Variants in ANAPC7 observed in about 807,000 individuals in gnomAD.
The protein encoded by ANAPC7 is anaphase promoting complex subunit 7, also known as anaphase-promoting complex subunit 7.
Under a neutral mutation model 63.3 loss-of-function variants are expected in ANAPC7, and 25 were observed. The ratio of observed to expected loss-of-function variants is 0.39; its 90% CI spans 0.29 to 0.55. The LOEUF (loss-of-function observed/expected upper bound fraction) is 0.55. ANAPC7 is among the 20% of genes least tolerant of loss of function. The pLI is 0.57. For synonymous variants in ANAPC7, 241 were observed against 251.7 expected (o/e 0.96, Z 0.40); for missense variants, 516 against 691.7 (o/e 0.75, Z 2.85).
Position 110,377,611 on chromosome 12 carries a change from A to T in ANAPC7, c.1139T>A (p.Ile380Asn). ...PCRLDCYEGL[I>N]ECYLASNSIR... ...ACTGTTGGAGGCTAAGTAACATTCG[A>T]TAAGACCTGAAAAAAGTAAAACACG... Residue 380 changes from isoleucine (I) to asparagine (N), a missense_variant, in exon 9 of 11, where the codon ATC becomes AAC. By Grantham distance (149) the Ile-to-Asn change is moderately radical (BLOSUM62 -3). This residue lies in a region of ANAPC7 where 199 missense variants were observed against 249.3 expected (regional missense o/e 0.80). Coordinates refer to ENST00000455511, the MANE Select transcript of ANAPC7 (RefSeq NM_016238.3). 6.2e-7 allele frequency: 1 copy of T among 1,614,194 alleles called. No homozygotes were observed. Among genetic ancestry groups the T allele is most frequent in the Non-Finnish European group, 8.5e-7 (1 of 1,180,030 alleles).
At chr12:110,396,687 T>TG (rs1171441337) in intron 1 of ANAPC7, among the ~76,000 whole-genome samples, 1 of 151,022 alleles carries the variant, frequency 6.6e-6, no homozygotes, top group Non-Finnish European at 1.5e-5. Flanking sequence ...ATTTTTGTTT[T>TG]TTTTTTTAGT....
At chr12:110,395,510 C>G (rs1199420866) in intron 2 of ANAPC7, among the ~76,000 whole-genome samples, 2 of 151,990 alleles carry the variant, frequency 1.3e-5, no homozygotes, top group African/African-American at 4.8e-5. Context: ...CAAGGCTAGT[C>G]TCAAACTCCT....
intron 3 of ANAPC7, among the ~76,000 whole-genome samples, chr12:110,394,797 G>A (rs1044360164): frequency 2.0e-5 from 3 of 151,876 alleles, no homozygotes; most frequent in Admixed American, 1.3e-4. Flanking sequence ...AGTGAGCCAG[G>A]ATCACAACAC....
intron 10 of ANAPC7, among the ~76,000 whole-genome samples, 170 bp from the exon 11 acceptor site, chr12:110,374,503 C>T (rs1304572605): frequency 2.0e-5 from 3 of 152,130 alleles, no homozygotes; most frequent in Non-Finnish European, 4.4e-5. Flanking sequence ...AGGGAGTCCA[C>T]CACCAGAAGT....
At chr12:110,396,041 T>C (rs1214132839) in intron 2 of ANAPC7, among the ~76,000 whole-genome samples, 2 of 152,136 alleles carry the variant, frequency 1.3e-5, no homozygotes, top group African/African-American at 4.8e-5. Flanking sequence ...GATCCTAGCA[T>C]GTGTAGTTCA....
chr12:110,395,284 G>A (rs1421589290), intron 2 of ANAPC7, 64 bp from the exon 3 acceptor site: 33 of 1,479,218 alleles, frequency 2.2e-5, no homozygotes, highest in African/African-American at 9.9e-5. Flanking sequence ...TCTTCAAAAC[G>A]TTAAACATAG....
At chr12:110,381,997 A>C in intron 7 of ANAPC7, 49 bp from the exon 8 acceptor site, 1 of 1,476,192 alleles carries the variant, frequency 6.8e-7, no homozygotes, top group Non-Finnish European at 9.0e-7. Flanking sequence ...GAAGTTATCC[A>C]AGAGAAGACT....
At chr12:110,380,478 C>A (rs1340052043) in intron 8 of ANAPC7, among the ~76,000 whole-genome samples, 1 of 151,622 alleles carries the variant, frequency 6.6e-6, no homozygotes, top group South Asian at 2.1e-4. Context: ...TGGTGAAACT[C>A]CATCTCACTA....
At chr12:110,374,454 T>C in intron 10 of ANAPC7, 121 bp from the exon 11 acceptor site, 3 of 937,432 alleles carry the variant, frequency 3.2e-6, no homozygotes, top group South Asian at 1.9e-5. Flanking sequence ...TGCTAAAGCC[T>C]GGCCTCTCCA....
chr12:110,382,454 AAAAAAAAATATATATATATAT>A (rs1212369176), intron 7 of ANAPC7, among the ~76,000 whole-genome samples: 7 of 93,644 alleles, frequency 7.5e-5, no homozygotes, highest in Non-Finnish European at 1.3e-4. Flanking sequence ...AAAAAAAAAA[AAAAAAAAATATATATATATAT>A]ATATATATAT....
At position 110,382,453 on chromosome 12, in the gene ANAPC7, A is replaced by ATATAT. The variant is rs1484650106; in HGVS notation, c.935+389_935+390insATATA. ...CTGATTATCCTTTTAAAAAAAAAAA[A>ATATAT]AAAAAAAAATATATATATATATATA... On this transcript the variant is annotated intron_variant, in intron 7 of 10. Coordinates refer to ENST00000455511, the MANE Select transcript of ANAPC7 (RefSeq NM_016238.3). Among the ~76,000 whole-genome samples the ATATAT allele has an allele frequency of 2.4e-3, 171 of 71,594 alleles. 1 individual carries two copies. Among genetic ancestry groups the ATATAT allele is most frequent in the Non-Finnish European group, 3.5e-3 (122 of 34,856 alleles). 47.0% of individuals were successfully genotyped at this position (71,594 alleles called of 152,430 possible).
chr12:110,382,037 G>T (rs1881906248), intron 7 of ANAPC7, 89 bp from the exon 8 acceptor site: 3 of 1,252,944 alleles, frequency 2.4e-6, no homozygotes, highest in Non-Finnish European at 3.2e-6. Flanking sequence ...AAATCATATT[G>T]AAGGCCCTGA....
At chr12:110,391,027 T>C (rs978267714) in intron 3 of ANAPC7, among the ~76,000 whole-genome samples, 6 of 152,086 alleles carry the variant, frequency 3.9e-5, no homozygotes, top group Non-Finnish European at 7.4e-5. Flanking sequence ...CCGTCTCTAC[T>C]AGAATACAAA....
chr12:110,389,635 A>C (rs1473605226), intron 3 of ANAPC7, among the ~76,000 whole-genome samples: 1 of 152,204 alleles, frequency 6.6e-6, no homozygotes, highest in Non-Finnish European at 1.5e-5. Context: ...GGAAATGAGA[A>C]AATCTAAAAG....
intron 2 of ANAPC7, among the ~76,000 whole-genome samples, chr12:110,395,468 G>C (rs1216028723): frequency 6.6e-6 from 1 of 151,788 alleles, no homozygotes. Context: ...CCACCATGCC[G>C]TTTTGTAAAG....
chr12:110,397,323 G>A (rs548930175), intron 1 of ANAPC7, among the ~76,000 whole-genome samples: 1 of 152,248 alleles, frequency 6.6e-6, no homozygotes, highest in African/African-American at 2.4e-5. Context: ...GGGAGGCTGA[G>A]GCGGGCAGAT....
At position 110,395,056 on chromosome 12, in the gene ANAPC7, G is replaced by A. The variant is rs77023110; in HGVS notation, c.408+45C>T. On this transcript the variant is annotated intron_variant, in intron 3 of 10. Transcript: ENST00000455511. ...TGAGAAAACATGGAGAGAGGGAGCA[G>A]GGTTAGGAGAGCTGAGGAGAAAAAC... The A allele has an allele frequency of 7.9e-5, 126 of 1,596,360 alleles. No homozygotes were observed. In the East Asian group the frequency reaches 2.8e-3, roughly 35 times the overall value.
At chr12:110,392,901 T>A (rs1883222778) in intron 3 of ANAPC7, among the ~76,000 whole-genome samples, 1 of 152,288 alleles carries the variant, frequency 6.6e-6, no homozygotes, top group African/African-American at 2.4e-5. Context: ...GTTCAAGCGA[T>A]TCTCCTGCCT....
At position 110,374,115 on chromosome 12, in the gene ANAPC7, G is replaced by A; in HGVS notation, c.*29C>T. ...CACGGAAGTGCTCAGAGCAGGGCAG[G>A]CCACTGCGGCCATGGAGCTGCCGCC... On this transcript the variant is annotated 3_prime_UTR_variant, in exon 11 of 11. Transcript: ENST00000455511. 3.1e-6 allele frequency: 5 copies of A among 1,588,850 alleles called. No homozygotes were observed. The highest frequency in any genetic ancestry group is 3.4e-6 in the Non-Finnish European group (4 of 1,170,446).
Sources: allele counts gnomAD v4.1 joint callset (sites outside exome capture counted in the v4.1 genomes callset), GRCh38; gene constraint gnomAD v4.1.1; regional missense constraint gnomAD v4.1.1; transcripts MANE v1.5; gene names NCBI Gene and HGNC (gene_info 2026-07-23, HGNC 2026-07-21).